RNF43: variants seen among roughly 807,000 people sequenced by gnomAD.
RNF43 encodes the protein ring finger protein 43.
Under a neutral mutation model 78.4 loss-of-function variants are expected in RNF43, and 37 were observed. The observed-to-expected ratio is 0.47, with a 90% confidence interval of 0.36 to 0.62. RNF43 has a LOEUF of 0.62. Among genes scored for constraint, RNF43 ranks in the 20% least tolerant of loss-of-function variants. The pLI is 0.00. For missense variants in RNF43, 774 were observed against 1,007.9 expected, an observed-to-expected ratio of 0.77 and a Z score of 3.14; for synonymous variants, 347 against 395.0, an observed-to-expected ratio of 0.88 and a Z score of 1.44.
intron 3 of RNF43, among the ~76,000 whole-genome samples, chr17:58,364,565 A>AG (rs1352204682): frequency 6.6e-6 from 1 of 152,184 alleles, no homozygotes; most frequent in Non-Finnish European, 1.5e-5. Context: ...CACTGTGAGG[A>AG]GCTGCTCCTG....
chr17:58,386,610 C>T (rs1235854775), intron 2 of RNF43, among the ~76,000 whole-genome samples: 1 of 152,126 alleles, frequency 6.6e-6, no homozygotes, highest in Non-Finnish European at 1.5e-5. Context: ...ACTACTTGTC[C>T]AAAATAAATT....
rs201644626 is a variant in RNF43 at position 58,358,105 on chromosome 17, G to T, written c.1671C>A (p.His557Gln). Residue 557 changes from histidine (H) to glutamine (Q), a missense_variant, in exon 9 of 10, where the codon CAC becomes CAA. His to Gln is a conservative substitution (Grantham distance 24). Transcript: ENST00000407977. This position sits in a 1 kb window ranked among gnomAD's most constrained non-coding sequence, Gnocchi z 6.2. The stretch of plus-strand genomic sequence containing the variant: ...CATGCCACTGGAACCGCTTTTTGTA[G>T]TGGTGGTGCCGGTGGCGGTGGTAGT... ...HVHYHRHRHHHYKKRFQWHGR... is the reference protein window; with the variant it reads ...HVHYHRHRHHQYKKRFQWHGR... The T allele has an allele frequency of 1.2e-5, 19 of 1,611,528 alleles. No individual in the cohort carries two copies. Among genetic ancestry groups the T allele is most frequent in the Non-Finnish European group, 1.2e-5 (14 of 1,178,950 alleles).
chr17:58,402,349 G>A (rs779263498), intron 2 of RNF43, among the ~76,000 whole-genome samples: 24 of 152,244 alleles, frequency 1.6e-4, no homozygotes, highest in Non-Finnish European at 2.8e-4. Context: ...GCTCTCTTCA[G>A]TTCATAACCA....
chr17:58,387,183 A>C (rs947327467), intron 2 of RNF43, among the ~76,000 whole-genome samples: 2 of 152,204 alleles, frequency 1.3e-5, no homozygotes, highest in African/African-American at 4.8e-5. Flanking sequence ...ATGTTAACAG[A>C]GAAGCTGAGT....
rs1973566100 is a variant in RNF43 at position 58,391,789 on chromosome 17, T to C, written c.253-20756A>G. Reference sequence around the variant, plus strand: ...CACAAAAGGAGGAGTGTTCAGAATGTGCTCTCTGTCTCTCCAGAGGCCAAG... The same window carrying C: ...CACAAAAGGAGGAGTGTTCAGAATGCGCTCTCTGTCTCTCCAGAGGCCAAG... On this transcript the variant is annotated intron_variant, in intron 2 of 9. Transcript: ENST00000407977. Among the ~76,000 whole-genome samples the C allele has an allele frequency of 2.0e-5, 3 of 152,198 alleles. No homozygotes were observed. The South Asian group carries it at 6.2e-4, about 31-fold the overall frequency.
At chr17:58,362,722 GC>G (rs1972864439) in intron 5 of RNF43, 74 bp from the exon 6 acceptor site, 1 of 1,169,112 alleles carries the variant, frequency 8.6e-7, no homozygotes, top group Non-Finnish European at 1.2e-6. Context: ...AAACACAGGA[GC>G]CCGGGAGGCA....
At chr17:58,356,386 T>C (rs1972684885) in intron 9 of RNF43, among the ~76,000 whole-genome samples, 1 of 152,144 alleles carries the variant, frequency 6.6e-6, no homozygotes, top group South Asian at 2.1e-4. Context: ...GACAAAGAAC[T>C]GTGTCATCCA....
rs1972817049 is a variant in RNF43, at chr17:58,360,721, C to A, written c.849+62G>T. The A allele has an allele frequency of 1.3e-6, 2 of 1,527,570 alleles. No homozygotes were observed. The highest frequency in any genetic ancestry group is 3.9e-5 in the Admixed American group (2 of 51,572). 94.6% of individuals were successfully genotyped at this position (1,527,570 alleles called of 1,614,324 possible). ...CATACCAGCCCCTAGGCCTGCCCAC[C>A]CCTCCCCCAGCTTCAATCTCCCCAG... On this transcript the variant is annotated intron_variant, in intron 7 of 9. Coordinates refer to ENST00000407977, the MANE Select transcript of RNF43 (RefSeq NM_017763.6). The surrounding 1 kb of genome is among the most constrained non-coding windows in gnomAD (Gnocchi z 4.3).
intron 2 of RNF43, among the ~76,000 whole-genome samples, chr17:58,409,342 T>C (rs1489365626): frequency 2.0e-5 from 3 of 152,166 alleles, no homozygotes; most frequent in Non-Finnish European, 2.9e-5. Flanking sequence ...CACAGCCTTC[T>C]CTAACAATAT....
chr17:58,364,524 G>T (rs1459316261), intron 3 of RNF43, among the ~76,000 whole-genome samples: 3 of 152,182 alleles, frequency 2.0e-5, no homozygotes, highest in Non-Finnish European at 4.4e-5. Context: ...GTCGGGGGAG[G>T]CGGGAGGCAC....
rs1203633419 is a variant in RNF43, at chr17:58,357,478, C to G, written c.2298G>C (p.Ser766=). 6.2e-7 allele frequency: 1 copy of G among 1,614,224 alleles called. No individual in the cohort carries two copies. The highest frequency in any genetic ancestry group is 8.5e-7 in the Non-Finnish European group (1 of 1,180,040). ...CCTCTGAAAACTCACCAGGCTGGGC[C>G]GACAGCACCTGGCAGTGCGGATAAG... ...PCPYPHCQVL[S]AQPGSEEELE... Residue 766 remains serine, a synonymous_variant, in exon 9 of 10, where the codon TCG becomes TCC. Transcript: ENST00000407977. The surrounding 1 kb of genome is among the most constrained non-coding windows in gnomAD (Gnocchi z 4.5).
intron 2 of RNF43, among the ~76,000 whole-genome samples, chr17:58,411,121 T>C (rs920320258): frequency 9.9e-5 from 15 of 152,186 alleles, no homozygotes; most frequent in Non-Finnish European, 2.1e-4. Context: ...ATAAAGTTAT[T>C]ATGAGAATTC....
At chr17:58,382,232 C>G (rs1973335059) in intron 2 of RNF43, among the ~76,000 whole-genome samples, 1 of 152,160 alleles carries the variant, frequency 6.6e-6, no homozygotes, top group African/African-American at 2.4e-5. Context: ...TTCCTCCTTC[C>G]TGCAAAGTAG....
intron 2 of RNF43, among the ~76,000 whole-genome samples, chr17:58,389,567 C>T (rs1338044439): frequency 6.6e-6 from 1 of 152,100 alleles, no homozygotes; most frequent in Non-Finnish European, 1.5e-5. Flanking sequence ...GAATGAAAAC[C>T]ACCAGAGTGG....
chr17:58,360,435 A>G lies in RNF43; in HGVS notation c.850-184T>C, dbSNP rs997170528. Among the ~76,000 whole-genome samples, 4 of 152,260 alleles carry G rather than the reference A, an allele frequency of 2.6e-5. No homozygotes were observed. The highest frequency in any genetic ancestry group is 7.2e-5 in the African/African-American group (3 of 41,460). On this transcript the variant is annotated intron_variant, in intron 7 of 9. Coordinates refer to ENST00000407977, the MANE Select transcript of RNF43 (RefSeq NM_017763.6). This position sits in a 1 kb window ranked among gnomAD's most constrained non-coding sequence, Gnocchi z 4.3. Reference sequence around the variant, plus strand: ...AGACCTGGATTTTGCACTTAGCTGCATGACGTTGGGCAACTTTCTTAACAG... The same window carrying G: ...AGACCTGGATTTTGCACTTAGCTGCGTGACGTTGGGCAACTTTCTTAACAG...
At chr17:58,370,224 A>C (rs1446677741) in intron 3 of RNF43, among the ~76,000 whole-genome samples, 4 of 151,654 alleles carry the variant, frequency 2.6e-5, no homozygotes, top group African/African-American at 9.7e-5. Flanking sequence ...ATGTGCCACC[A>C]CGCCTGGCTA....
chr17:58,392,631 CTTTATCTCCATACACAGCCT>C (rs1026311413), intron 2 of RNF43, among the ~76,000 whole-genome samples: 1 of 152,224 alleles, frequency 6.6e-6, no homozygotes, highest in Admixed American at 6.5e-5. Context: ...TATATGGCTT[CTTTATCTCCATACACAGCCT>C]AATGTAGAGG....
At chr17:58,392,074 T>C (rs543490243) in intron 2 of RNF43, among the ~76,000 whole-genome samples, 6 of 152,292 alleles carry the variant, frequency 3.9e-5, no homozygotes, top group African/African-American at 1.4e-4. Context: ...TCTGGAAGAA[T>C]GGACTAATTA....
rs1463970701 is a variant in RNF43 at position 58,358,596 on chromosome 17, C to T, written c.1180G>A (p.Ala394Thr). 1 of 1,585,432 alleles carries T rather than the reference C, an allele frequency of 6.3e-7. No individual in the cohort carries two copies. The highest frequency in any genetic ancestry group is 8.6e-7 in the Non-Finnish European group (1 of 1,164,876). Reference protein sequence around the residue: ...GPRHHRFPRAAHPRAPGEQQR... With the variant: ...GPRHHRFPRATHPRAPGEQQR... Reference sequence around the variant, plus strand: ...TGCTCTCCTGGAGCCCGGGGATGTGCAGCTCTGGGGAAGCGGTGATGCCGA... The same window carrying T: ...TGCTCTCCTGGAGCCCGGGGATGTGTAGCTCTGGGGAAGCGGTGATGCCGA... The change falls in exon 9 of 10, where the codon GCA becomes ACA. Residue 394 changes from alanine (A) to threonine (T), a missense_variant. Ala to Thr is a moderately conservative substitution (Grantham distance 58, BLOSUM62 0). Transcript: ENST00000407977. The surrounding 1 kb of genome is among the most constrained non-coding windows in gnomAD (Gnocchi z 6.2).
Sources: gnomAD v4.1 joint callset for allele counts (sites outside exome capture counted in the v4.1 genomes callset) on GRCh38, gnomAD v4.1.1 for gene constraint, Gnocchi (gnomAD v3.1) non-coding constraint, MANE v1.5 for transcripts, NCBI Gene and HGNC (gene_info 2026-07-23, HGNC 2026-07-21) for gene names.